The following DRC10 variants were observed in gnomAD, a reference collection of about 807,000 sequenced individuals.
DRC10 encodes dynein regulatory complex subunit 10.
At chr12:113,218,790 A>G in the DRC10 span, among the ~76,000 whole-genome samples, 2 of 152,148 alleles carry the variant, frequency 1.3e-5, no homozygotes, top group South Asian at 4.1e-4. Context: ...AGGTTGTAGC[A>G]ATTATTAGTA....
chr12:113,220,886 A>G, the DRC10 span: 1 of 268,358 alleles, frequency 3.7e-6, no homozygotes, highest in Non-Finnish European at 7.8e-6. Context: ...CCTGAAGCTG[A>G]GACGAGATCG....
chr12:113,195,506 T>G, the DRC10 span: 2 of 1,493,976 alleles, frequency 1.3e-6, no homozygotes, highest in South Asian at 1.4e-5. Context: ...AATTTAGTGC[T>G]CTCCATCTCG....
chr12:113,206,516 G>A, the DRC10 span, among the ~76,000 whole-genome samples: 16 of 152,288 alleles, frequency 1.1e-4, no homozygotes, highest in African/African-American at 3.8e-4. Context: ...GCAGTAGGGT[G>A]GATGCGTCAG....
the DRC10 span, chr12:113,208,235 C>T: frequency 1.2e-5 from 19 of 1,522,104 alleles, no homozygotes; most frequent in Middle Eastern, 2.4e-4. Flanking sequence ...ACTTGGGTCT[C>T]GTGCTTTTAT....
chr12:113,212,801 A>T, the DRC10 span, among the ~76,000 whole-genome samples: 4 of 152,160 alleles, frequency 2.6e-5, no homozygotes, highest in African/African-American at 9.7e-5. Flanking sequence ...TGATCATTTC[A>T]TGTCCTTTTT....
At chr12:113,200,522 C>A in the DRC10 span, 2 of 968,482 alleles carry the variant, frequency 2.1e-6, no homozygotes, top group East Asian at 3.1e-5. Context: ...TGGAACAGTC[C>A]CACCCATCCC....
chr12:113,219,969 G>A, the DRC10 span, among the ~76,000 whole-genome samples: 2 of 152,052 alleles, frequency 1.3e-5, no homozygotes, highest in African/African-American at 2.4e-5. Context: ...CACCAGGCCC[G>A]GCTAATTTTT....
the DRC10 span, among the ~76,000 whole-genome samples, chr12:113,214,507 C>CAAAAAAAAAAAA: frequency 2.0e-5 from 1 of 50,222 alleles, no homozygotes; most frequent in African/African-American, 7.5e-5. Context: ...GACTCCGTCT[C>CAAAAAAAAAAAA]AAAAAAAAAA....
At chr12:113,205,977 G>C in the DRC10 span, 2 of 151,784 alleles carry the variant, frequency 1.3e-5, no homozygotes, top group Non-Finnish European at 2.9e-5. Flanking sequence ...AGCACTTTGG[G>C]GGGCAGAGGT....
chr12:113,196,944 G>A, the DRC10 span, among the ~76,000 whole-genome samples: 3 of 152,226 alleles, frequency 2.0e-5, no homozygotes, highest in Admixed American at 6.5e-5. Context: ...ATGCAGAAAC[G>A]GGCTTGGGAA....
At chr12:113,199,427 A>C in the DRC10 span, among the ~76,000 whole-genome samples, 1 of 151,848 alleles carries the variant, frequency 6.6e-6, no homozygotes, top group Non-Finnish European at 1.5e-5. Context: ...TAAATAAATA[A>C]ACCCCCTAAT....
chr12:113,195,813 A>G, the DRC10 span: 1 of 1,613,550 alleles, frequency 6.2e-7, no homozygotes, highest in Non-Finnish European at 8.5e-7. Flanking sequence ...TCCCACCAGC[A>G]CTTTGTGCCT....
chr12:113,219,084 G>A, the DRC10 span, among the ~76,000 whole-genome samples: 31 of 152,152 alleles, frequency 2.0e-4, no homozygotes, highest in Admixed American at 8.5e-4. Context: ...CACATAGACT[G>A]GAGTGCAGTG....
chr12:113,210,361 T>A, the DRC10 span, among the ~76,000 whole-genome samples: 1 of 152,300 alleles, frequency 6.6e-6, no homozygotes, highest in East Asian at 1.9e-4. Flanking sequence ...ATGAGAAGCC[T>A]GCACGCTGTA....
At chr12:113,211,893 T>A in the DRC10 span, among the ~76,000 whole-genome samples, 1 of 151,352 alleles carries the variant, frequency 6.6e-6, no homozygotes, top group Admixed American at 6.6e-5. Context: ...AAATGAGACC[T>A]CTACAAAAAG....
the DRC10 span, chr12:113,195,487 A>G: frequency 1.6e-5 from 23 of 1,461,022 alleles, no homozygotes; most frequent in South Asian, 2.9e-4. Context: ...TAAAAACATG[A>G]AAGCCGTGAA....
the DRC10 span, among the ~76,000 whole-genome samples, chr12:113,202,746 T>C: frequency 1.3e-5 from 2 of 152,114 alleles, no homozygotes; most frequent in African/African-American, 4.8e-5. Context: ...AGAAGTCCCA[T>C]GTTGGGGACA....
chr12:113,213,059 GA>G, the DRC10 span, among the ~76,000 whole-genome samples: 9 of 148,960 alleles, frequency 6.0e-5, no homozygotes, highest in African/African-American at 7.4e-5. Context: ...ATATTTTGAG[GA>G]AAAAAAAGAT....
At chr12:113,210,279 GT>G in the DRC10 span, among the ~76,000 whole-genome samples, 1 of 152,126 alleles carries the variant, frequency 6.6e-6, no homozygotes, top group African/African-American at 2.4e-5. Context: ...CTTGCTGGGG[GT>G]CTCTGGGCTG....
Sources: gnomAD v4.1 joint callset for allele counts (sites outside exome capture counted in the v4.1 genomes callset) on GRCh38, gnomAD v4.1.1 for gene constraint, MANE v1.5 for transcripts, NCBI Gene and HGNC (gene_info 2026-07-23, HGNC 2026-07-21) for gene names.